The following ZNF717 variants were observed in gnomAD, a reference collection of about 807,000 sequenced individuals.
ZNF717 encodes zinc finger protein 717.
In ZNF717, 9 loss-of-function variants were observed where a neutral mutation model predicts 13.8. The ratio of observed to expected loss-of-function variants is 0.65; its 90% CI spans 0.39 to 1.14. The LOEUF is 1.14. ZNF717 is among the 50% of genes most tolerant of loss of function. The probability of loss-of-function intolerance (pLI) is 0.01; values close to 1 mark genes in which losing one functional copy is unlikely to be tolerated. For synonymous variants in ZNF717, 327 were observed against 364.1 expected (o/e 0.90, Z 1.16); for missense variants, 1,040 against 1,080.7 (o/e 0.96, Z 0.53).
downstream of ZNF717, among the ~76,000 whole-genome samples, chr3:75,732,523 T>C (rs1361336733): frequency 1.7e-4 from 26 of 152,230 alleles, no homozygotes; most frequent in Non-Finnish European, 2.8e-4. Context: ...GCCAACCTGA[T>C]TGGGATTAGT....
rs865931546 is a variant in ZNF717, at chr3:75,765,019, A to G, written c.57+18287T>C. Among the ~76,000 whole-genome samples the G allele has an allele frequency of 3.7e-3, 121 of 32,876 alleles. 1 individual carries two copies. Among genetic ancestry groups the G allele is most frequent in the Middle Eastern group, 0.012 (1 of 82 alleles). 21.6% of individuals were successfully genotyped at this position (32,876 alleles called of 152,430 possible). ...TATATATATATATATATATATATAT[A>G]TATATATATATGTATATGTGTGTGT... is the stretch of plus-strand genomic sequence containing the variant. On this transcript the variant is annotated intron_variant, in intron 2 of 4. Coordinates refer to ENST00000652011, the MANE Select transcript of ZNF717 (RefSeq NM_001290208.3).
At chr3:75,722,143 C>T (rs1471187862) in intron 4 of ZNF717, among the ~76,000 whole-genome samples, 1 of 151,338 alleles carries the variant, frequency 6.6e-6, no homozygotes, top group Non-Finnish European at 1.5e-5. Flanking sequence ...GCCTGTAGTC[C>T]CAGCTACTCG....
intron 2 of ZNF717, among the ~76,000 whole-genome samples, chr3:75,756,099 C>T (rs893545046): frequency 2.6e-5 from 4 of 152,256 alleles, no homozygotes; most frequent in Non-Finnish European, 4.4e-5. Flanking sequence ...CACTTCACGT[C>T]TCTGTCACAT....
At chr3:75,709,869 G>T (rs138321229) in exon 6 of ZNF717, 2 of 152,040 alleles carry the variant, frequency 1.3e-5, no homozygotes, top group African/African-American at 2.4e-5. Flanking sequence ...CTTTAAGTTT[G>T]GTTTTGATGG....
intron 2 of ZNF717, among the ~76,000 whole-genome samples, chr3:75,747,817 T>C (rs1321998646): frequency 1.3e-5 from 2 of 152,100 alleles, no homozygotes; most frequent in Non-Finnish European, 2.9e-5. Context: ...CAGGGACAAT[T>C]TGACTTCCAA....
Position 75,737,456 on chromosome 3 carries a change from C to T in ZNF717, c.2167G>A (p.Val723Ile), listed in dbSNP as rs113494751. The T allele has an allele frequency of 6.4e-7, 1 of 1,555,554 alleles. No individual in the cohort carries two copies. The highest frequency in any genetic ancestry group is 8.7e-7 in the Non-Finnish European group (1 of 1,149,308). Residue 723 changes from valine to isoleucine, a missense_variant, in exon 5 of 5, where the codon GTA (valine) becomes ATA (isoleucine). Val to Ile is a conservative substitution (Grantham distance 29). Transcript: ENST00000652011. ...ATAGGGTTTCTCCCCCGTGTGAATA[C>T]CTTGATGCTTCTGAAGATTTGCCTT... ...IRRQIFRSIK[V>I]FTRGRNPMNV...
intron 2 of ZNF717, among the ~76,000 whole-genome samples, chr3:75,779,913 C>A (rs1181456407): frequency 7.2e-6 from 1 of 139,250 alleles, no homozygotes; most frequent in African/African-American, 2.7e-5. Context: ...CCCAAAACAA[C>A]GGGAGTGATG....
chr3:75,764,338 G>T (rs1031695678), intron 2 of ZNF717, among the ~76,000 whole-genome samples: 2 of 152,140 alleles, frequency 1.3e-5, no homozygotes, highest in Non-Finnish European at 2.9e-5. Context: ...GGCCTCAGTA[G>T]CAGTGGTCTA....
chr3:75,722,589 CG>C (rs1266095743), intron 4 of ZNF717, among the ~76,000 whole-genome samples: 1 of 151,774 alleles, frequency 6.6e-6, no homozygotes. Context: ...CTGAGGCGGG[CG>C]GATCACTTGA....
At chr3:75,760,416 C>T (rs1178051376) in intron 2 of ZNF717, among the ~76,000 whole-genome samples, 1 of 152,196 alleles carries the variant, frequency 6.6e-6, no homozygotes, top group Non-Finnish European at 1.5e-5. Context: ...AAGCACAATT[C>T]ATTATGTGTT....
intron 6 of ZNF717, among the ~76,000 whole-genome samples, chr3:75,703,643 A>ACTTTG (rs199903801): frequency 6.6e-6 from 1 of 152,160 alleles, no homozygotes. Flanking sequence ...CATTTTGTTT[A>ACTTTG]TATCCAATCT....
exon 6 of ZNF717, chr3:75,711,243 CT>C (rs1177003267): frequency 1.3e-5 from 2 of 152,170 alleles, no homozygotes; most frequent in Non-Finnish European, 2.9e-5. Flanking sequence ...ATGCTTCCAT[CT>C]TTGTTCAAAA....
chr3:75,764,905 C>T (rs189987798), intron 2 of ZNF717, among the ~76,000 whole-genome samples: 2,018 of 147,136 alleles, frequency 0.014, no homozygotes, highest in South Asian at 0.07. Flanking sequence ...CAGATATGTG[C>T]ACACCTATGT....
chr3:75,705,483 T>A (rs1575713075), downstream of ZNF717, among the ~76,000 whole-genome samples: 2 of 152,290 alleles, frequency 1.3e-5, no homozygotes, highest in Non-Finnish European at 2.9e-5. Flanking sequence ...GGGGCTGAAC[T>A]CCCCCTGCCA....
intron 6 of ZNF717, among the ~76,000 whole-genome samples, chr3:75,697,457 T>G: frequency 6.6e-6 from 1 of 152,424 alleles, no homozygotes; most frequent in East Asian, 1.9e-4. Context: ...AGTAAGTGAG[T>G]TCCTATAAGA....
chr3:75,773,114 C>T (rs536364446), intron 2 of ZNF717, among the ~76,000 whole-genome samples: 24 of 129,894 alleles, frequency 1.8e-4, no homozygotes, highest in Non-Finnish European at 1.4e-4. Context: ...AATATTGGAA[C>T]GGTTGTAAAA....
intron 2 of ZNF717, among the ~76,000 whole-genome samples, chr3:75,775,725 C>T (rs13079620): frequency 0.38 from 50,026 of 130,578 alleles, 9,090 homozygotes; most frequent in Non-Finnish European, 0.47. Context: ...TGGTGGTGTG[C>T]GCCTGTAATC....
chr3:75,781,814 C>T (rs532173796), intron 2 of ZNF717, among the ~76,000 whole-genome samples: 1 of 152,318 alleles, frequency 6.6e-6, no homozygotes, highest in African/African-American at 2.4e-5. Flanking sequence ...ATTTGTCCGG[C>T]AGCTAACGCC....
chr3:75,730,353 TA>T (rs71638912), exon 6 of ZNF717: 123,767 of 313,938 alleles, frequency 0.39, 9,172 homozygotes, highest in South Asian at 0.49. Flanking sequence ...AAGCAATAGT[TA>T]AAAAAAAAAA....
Sources: allele counts gnomAD v4.1 joint callset (sites outside exome capture counted in the v4.1 genomes callset), GRCh38; gene constraint gnomAD v4.1.1; transcripts MANE v1.5; gene names NCBI Gene and HGNC (gene_info 2026-07-23, HGNC 2026-07-21).